The following NTNG2 variants were observed in gnomAD, a reference collection of about 807,000 sequenced individuals.
The protein encoded by NTNG2 is netrin-G2.
In NTNG2, 15 loss-of-function variants were observed where a neutral mutation model predicts 47.6. The observed-to-expected ratio is 0.32, with a 90% confidence interval of 0.21 to 0.49. The LOEUF (loss-of-function observed/expected upper bound fraction) is 0.49, where lower values mean the gene tolerates loss of function less well. Ranked by LOEUF, NTNG2 falls within the 20% of genes least tolerant of loss-of-function variation. The probability of loss-of-function intolerance (pLI) is 0.99; values close to 1 mark genes in which losing one functional copy is unlikely to be tolerated. For missense variants in NTNG2, 578 were observed against 764.6 expected, an observed-to-expected ratio of 0.76 and a Z score of 2.88; for synonymous variants, 307 against 324.6, an observed-to-expected ratio of 0.95 and a Z score of 0.58.
In NTNG2 at chr9:132,198,286, C is replaced by A. The variant is rs899701488; in HGVS notation, c.534C>A (p.Ser178=). Residue 178 remains serine (S), a synonymous_variant, in exon 3 of 8, where the codon TCC becomes TCA. Transcript: ENST00000393229. ...ACTGCATGGAGGCCTTCGGTATGTC[C>A]GCCCGCCGGGCCCGCGACATGTCAT... The part of the protein sequence containing the change: ...AEDCMEAFGM[S]ARRARDMSSS... 6.2e-7 allele frequency: 1 copy of A among 1,609,364 alleles called. No homozygotes were observed. Among genetic ancestry groups the A allele is most frequent in the Admixed American group, 1.7e-5 (1 of 59,572 alleles).
chr9:132,222,561 CA>C (rs1477046753), intron 3 of NTNG2, among the ~76,000 whole-genome samples: 2 of 152,210 alleles, frequency 1.3e-5, no homozygotes, highest in Non-Finnish European at 2.9e-5. Context: ...TGCTGCTGGC[CA>C]GGGCTCTTGC....
rs945835883 is a variant in NTNG2, at chr9:132,236,979, G to A, written c.1055-2125G>A. Among the ~76,000 whole-genome samples the A allele has an allele frequency of 2.0e-5, 3 of 152,230 alleles. No individual in the cohort carries two copies. The highest frequency in any genetic ancestry group is 4.8e-5 in the African/African-American group (2 of 41,464). ...GCCAAGTTTAGTCTCTGGGTTTGAT[G>A]CTCCAGGAAGTTTGGAGAGGCGGTG... On this transcript the variant is annotated intron_variant, in intron 5 of 7. Transcript: ENST00000393229. This position sits in a 1 kb window ranked among gnomAD's most constrained non-coding sequence, Gnocchi z 4.3.
rs766302889 is a variant in NTNG2, at chr9:132,198,534, T to G, written c.782T>G (p.Leu261Arg). 6.2e-7 allele frequency: 1 copy of G among 1,612,982 alleles called. No individual in the cohort carries two copies. Among genetic ancestry groups the G allele is most frequent in the African/African-American group, 1.3e-5 (1 of 74,946 alleles). ...DLRMRLLRPA[L>R]GGTYVQRENL... ...CGCATGCGGCTGCTGCGCCCGGCGC[T>G]GGGCGGCACCTATGTGCAGCGGGAG... Residue 261 changes from leucine (L) to arginine (R), a missense_variant, in exon 3 of 8, where the codon CTG (leucine) becomes CGG (arginine). By Grantham distance (102) the Leu-to-Arg change is moderately radical. Transcript: ENST00000393229.
intron 7 of NTNG2, 133 bp downstream of exon 7, chr9:132,241,177 A>T: frequency 3.7e-6 from 4 of 1,068,500 alleles, no homozygotes; most frequent in Non-Finnish European, 5.0e-6. Context: ...AGGGCCGGGG[A>T]AGTGGGTGGG....
At chr9:132,210,078 C>A (rs1440707127) in intron 3 of NTNG2, among the ~76,000 whole-genome samples, 3 of 152,076 alleles carry the variant, frequency 2.0e-5, no homozygotes, top group Non-Finnish European at 4.4e-5. Context: ...ACTCCATGTC[C>A]ATCTTGACAA....
rs143921690 is a variant in NTNG2 at position 132,171,585 on chromosome 9, T to A, written c.213+4541T>A. Among the ~76,000 whole-genome samples, 803 of 152,322 alleles carry A rather than the reference T, an allele frequency of 5.3e-3. 8 individuals carry two copies. The highest frequency in any genetic ancestry group is 0.018 in the African/African-American group (768 of 41,562). On this transcript the variant is annotated intron_variant, in intron 2 of 7. Transcript: ENST00000393229. ...ATCTTTGAACACACATCTTACTCAG[T>A]TAGAACCTGCTTTAGCTTCTCTGTG...
chr9:132,186,827 G>A (rs76970852), intron 2 of NTNG2, among the ~76,000 whole-genome samples: 1,902 of 152,342 alleles, frequency 0.012, 61 homozygotes, highest in East Asian at 0.12. Context: ...GAGGGTCCTC[G>A]CTCAGTTAGG....
At position 132,188,884 on chromosome 9, in the gene NTNG2, G is replaced by A. The variant is rs368300529; in HGVS notation, c.214-9082G>A. Among the ~76,000 whole-genome samples the A allele has an allele frequency of 3.4e-3, 514 of 152,250 alleles. 7 individuals carry two copies. The highest frequency in any genetic ancestry group is 0.011 in the African/African-American group (471 of 41,538). On this transcript the variant is annotated intron_variant, in intron 2 of 7. Transcript: ENST00000393229. ...CTGGAGTGGGGACAGGATCAGATGT[G>A]GTCGCTGCCCGCATGAAGCCTCCCC...
At chr9:132,187,307 G>C (rs1340344589) in intron 2 of NTNG2, among the ~76,000 whole-genome samples, 1 of 152,230 alleles carries the variant, frequency 6.6e-6, no homozygotes, top group African/African-American at 2.4e-5. Context: ...GCTCCAACCA[G>C]AAAACAAAAC....
intron 2 of NTNG2, among the ~76,000 whole-genome samples, chr9:132,181,878 C>G (rs905169430): frequency 1.4e-4 from 21 of 152,254 alleles, no homozygotes; most frequent in African/African-American, 4.8e-4. Context: ...GGCCCGGCAT[C>G]CAGGTTCCTA....
In NTNG2 at chr9:132,216,414, C is replaced by CTCTCTCTCTCTG. The variant is rs1554790515; in HGVS notation, c.858-10434_858-10433insCTCTCTCTCTGT. ...TCTCTCTCTCTCTCTCTCTCTCTCT[C>CTCTCTCTCTCTG]TGTGTGTGTGTGTATGTGTGTGTGT... On this transcript the variant is annotated intron_variant, in intron 3 of 7. Transcript: ENST00000393229. Among the ~76,000 whole-genome samples the CTCTCTCTCTCTG allele has an allele frequency of 3.1e-4, 34 of 110,336 alleles. 1 individual carries two copies. Among genetic ancestry groups the CTCTCTCTCTCTG allele is most frequent in the African/African-American group, 1.4e-3 (29 of 20,554 alleles). The allele number at this position is 110,336 out of a possible 152,430, so 72.4% of individuals were successfully genotyped here.
At chr9:132,205,331 T>C (rs1839085528) in intron 3 of NTNG2, among the ~76,000 whole-genome samples, 1 of 152,092 alleles carries the variant, frequency 6.6e-6, no homozygotes, top group African/African-American at 2.4e-5. Context: ...CCTGAGGACA[T>C]GATGCTAAGT....
At chr9:132,184,148 G>A (rs1405800968) in intron 2 of NTNG2, among the ~76,000 whole-genome samples, 1 of 152,216 alleles carries the variant, frequency 6.6e-6, no homozygotes, top group Non-Finnish European at 1.5e-5. Context: ...GTGTCCCCAG[G>A]TGTGGGCAGA....
At chr9:132,201,756 T>C (rs943224041) in intron 3 of NTNG2, among the ~76,000 whole-genome samples, 1 of 152,238 alleles carries the variant, frequency 6.6e-6, no homozygotes, top group Admixed American at 6.5e-5. Flanking sequence ...AACGGCTTCA[T>C]GTGTATTTTC....
rs1296774471 is a variant in NTNG2, at chr9:132,236,074, T to C, written c.1055-3030T>C. On this transcript the variant is annotated intron_variant, in intron 5 of 7. Transcript: ENST00000393229. The surrounding 1 kb of genome is among the most constrained non-coding windows in gnomAD (Gnocchi z 4.3). ...CCGCCTCCCACGACAGGAACCCCCC[T>C]CTCCAGCTGCCCTTGCTCACAGGAC... is the stretch of plus-strand genomic sequence containing the variant. Among the ~76,000 whole-genome samples, 1 of 152,172 alleles carries C rather than the reference T, an allele frequency of 6.6e-6. No individual in the cohort carries two copies. The highest frequency in any genetic ancestry group is 2.4e-5 in the African/African-American group (1 of 41,440).
rs1841613317 is a variant in NTNG2, at chr9:132,236,180, T to C, written c.1055-2924T>C. On this transcript the variant is annotated intron_variant, in intron 5 of 7. Coordinates refer to ENST00000393229, the MANE Select transcript of NTNG2 (RefSeq NM_032536.4). The surrounding 1 kb of genome is among the most constrained non-coding windows in gnomAD (Gnocchi z 4.3). ...CCATGAGACCTCGGAGGGTGGACTG[T>C]GGTGGGTGAAGGGAGAAGGCAGCAC... 6.6e-6 allele frequency among the ~76,000 whole-genome samples: 1 copy of C among 151,974 alleles called. No homozygotes were observed. Among genetic ancestry groups the C allele is most frequent in the Non-Finnish European group, 1.5e-5 (1 of 67,962 alleles).
intron 3 of NTNG2, among the ~76,000 whole-genome samples, chr9:132,212,799 G>A (rs542610098): frequency 6.6e-6 from 1 of 152,252 alleles, no homozygotes; most frequent in African/African-American, 2.4e-5. Context: ...TCAAATCCGT[G>A]TGTCCCCTGG....
intron 2 of NTNG2, among the ~76,000 whole-genome samples, chr9:132,196,877 G>A (rs143842884): frequency 2.0e-5 from 3 of 152,354 alleles, no homozygotes; most frequent in African/African-American, 7.2e-5. Context: ...CCAATTGGCT[G>A]TAAATTGGGG....
At chr9:132,216,582 T>C (rs1840013121) in intron 3 of NTNG2, among the ~76,000 whole-genome samples, 1 of 152,032 alleles carries the variant, frequency 6.6e-6, no homozygotes, top group Non-Finnish European at 1.5e-5. Context: ...GCTGGCCTCA[T>C]GGGCTGGCCA....
Sources: gnomAD v4.1 joint callset for allele counts (sites outside exome capture counted in the v4.1 genomes callset) on GRCh38, gnomAD v4.1.1 for gene constraint, Gnocchi (gnomAD v3.1) non-coding constraint, MANE v1.5 for transcripts, NCBI Gene and HGNC (gene_info 2026-07-23, HGNC 2026-07-21) for gene names.